The following RAB27B variants were observed in gnomAD, a reference collection of about 807,000 sequenced individuals.
RAB27B encodes ras-related protein Rab-27B.
A neutral mutation model predicts 24.6 loss-of-function variants in RAB27B; 15 were observed. The ratio of observed to expected loss-of-function variants is 0.61; its 90% CI spans 0.41 to 0.94. RAB27B has a LOEUF of 0.94. Among genes scored for constraint, RAB27B ranks in the 40% least tolerant of loss-of-function variants. The pLI is 0.00. For missense variants in RAB27B, 261 were observed against 266.8 expected (o/e 0.98, Z 0.15); for synonymous variants, 105 against 92.5 (o/e 1.14, Z -0.78).
intron 1 of RAB27B, among the ~76,000 whole-genome samples, chr18:54,855,252 G>A (rs538169946): frequency 4.6e-5 from 7 of 152,320 alleles, no homozygotes; most frequent in African/African-American, 1.7e-4. Context: ...GCCATGGGGA[G>A]CAGATGTAAA....
intron 2 of RAB27B, among the ~76,000 whole-genome samples, chr18:54,726,508 C>T (rs1358929665): frequency 6.6e-6 from 1 of 151,364 alleles, no homozygotes; most frequent in East Asian, 1.9e-4. Flanking sequence ...TTCCTGTTCG[C>T]TAACATTCAG....
chr18:54,847,806 C>T (rs1018696435), intron 1 of RAB27B, among the ~76,000 whole-genome samples: 2 of 151,722 alleles, frequency 1.3e-5, no homozygotes, highest in African/African-American at 4.9e-5. Flanking sequence ...CCTGATTTTC[C>T]AAACATGGTT....
intron 1 of RAB27B, among the ~76,000 whole-genome samples, chr18:54,840,894 A>T (rs1911081728): frequency 6.6e-6 from 1 of 152,138 alleles, no homozygotes; most frequent in Non-Finnish European, 1.5e-5. Context: ...CAAGCCTGTA[A>T]TCCCAGCACT....
chr18:54,781,553 T>G (rs1908918890), intron 2 of RAB27B, among the ~76,000 whole-genome samples: 1 of 152,142 alleles, frequency 6.6e-6, no homozygotes, highest in South Asian at 2.1e-4. Context: ...AGACTGGTCT[T>G]GAATTTGCTT....
intron 2 of RAB27B, among the ~76,000 whole-genome samples, chr18:54,798,222 C>T (rs761257748): frequency 2.0e-5 from 3 of 152,186 alleles, no homozygotes; most frequent in Non-Finnish European, 4.4e-5. Context: ...AGCCATCCAC[C>T]GTAGTGGGAC....
rs142993739 is a variant in RAB27B, at chr18:54,858,622, G to A, written c.-19-18945G>A. ...TTAGCCAGGATGGTCTCGATCTCCT[G>A]ACCTCGTGATCCCTCCTAAAGTGGT... On this transcript the variant is annotated intron_variant, in intron 1 of 5. Coordinates refer to ENST00000262094, the MANE Select transcript of RAB27B (RefSeq NM_004163.4). Among the ~76,000 whole-genome samples the A allele has an allele frequency of 2.2e-3, 341 of 152,148 alleles. 2 individuals are homozygous for A. Among genetic ancestry groups the A allele is most frequent in the African/African-American group, 7.5e-3 (311 of 41,516 alleles).
chr18:54,772,039 C>A (rs1908568016), intron 2 of RAB27B, among the ~76,000 whole-genome samples: 4 of 152,174 alleles, frequency 2.6e-5, no homozygotes. Flanking sequence ...TACTGAAAAG[C>A]TCCTCTTTAA....
intron 3 of RAB27B, among the ~76,000 whole-genome samples, chr18:54,883,094 G>T (rs1272487130): frequency 6.6e-6 from 1 of 152,078 alleles, no homozygotes; most frequent in Non-Finnish European, 1.5e-5. Flanking sequence ...CAACCAGAAG[G>T]GTGGTGATGT....
chr18:54,865,587 C>G (rs1414672946), intron 1 of RAB27B, among the ~76,000 whole-genome samples: 1 of 152,094 alleles, frequency 6.6e-6, no homozygotes, highest in African/African-American at 2.4e-5. Flanking sequence ...TCCTTGTCAT[C>G]AATGTGAGCT....
intron 1 of RAB27B, among the ~76,000 whole-genome samples, chr18:54,845,664 A>G (rs1428766159): frequency 6.6e-6 from 1 of 152,046 alleles, no homozygotes. Context: ...AGCCTTTTGC[A>G]TATTGCTACA....
intron 2 of RAB27B, among the ~76,000 whole-genome samples, chr18:54,802,648 G>T (rs1486314658): frequency 6.6e-6 from 1 of 152,048 alleles, no homozygotes; most frequent in Non-Finnish European, 1.5e-5. Context: ...AAATTCCTTA[G>T]TTATTTCAAT....
At chr18:54,838,037 T>C (rs1020971486) in intron 1 of RAB27B, among the ~76,000 whole-genome samples, 4 of 152,176 alleles carry the variant, frequency 2.6e-5, no homozygotes, top group African/African-American at 9.6e-5. Context: ...GGCTCATTAA[T>C]ATCATGCTCT....
chr18:54,765,669 A>G (rs1397788280), intron 2 of RAB27B, among the ~76,000 whole-genome samples: 1 of 152,172 alleles, frequency 6.6e-6, no homozygotes, highest in Non-Finnish European at 1.5e-5. Context: ...TACAATTATA[A>G]ACTCAAGAAA....
intron 2 of RAB27B, among the ~76,000 whole-genome samples, chr18:54,728,358 T>A (rs1009600142): frequency 2.0e-5 from 3 of 152,178 alleles, no homozygotes; most frequent in Non-Finnish European, 4.4e-5. Context: ...GTTTTTGTTA[T>A]CTTTTACTCT....
chr18:54,791,266 CTG>C (rs1909238108), intron 2 of RAB27B, among the ~76,000 whole-genome samples: 1 of 152,086 alleles, frequency 6.6e-6, no homozygotes, highest in South Asian at 2.1e-4. Flanking sequence ...AACCTCAACT[CTG>C]TATGGATCAA....
intron 1 of RAB27B, among the ~76,000 whole-genome samples, chr18:54,847,718 AG>A (rs1267144609): frequency 6.6e-6 from 1 of 152,216 alleles, no homozygotes; most frequent in Non-Finnish European, 1.5e-5. Context: ...ACTGAGTAAA[AG>A]CTTATCAACT....
At chr18:54,791,809 C>T (rs1316035091) in intron 2 of RAB27B, among the ~76,000 whole-genome samples, 2 of 152,184 alleles carry the variant, frequency 1.3e-5, no homozygotes, top group African/African-American at 4.8e-5. Context: ...ACATCTAGAG[C>T]GCACGCTGGC....
intron 2 of RAB27B, among the ~76,000 whole-genome samples, chr18:54,790,324 A>T (rs1293540880): frequency 6.6e-6 from 1 of 152,170 alleles, no homozygotes; most frequent in African/African-American, 2.4e-5. Flanking sequence ...TCCAGGAAAC[A>T]TCAAAACATT....
chr18:54,827,767 A>G (rs370354765), upstream of RAB27B, among the ~76,000 whole-genome samples: 36 of 152,314 alleles, frequency 2.4e-4, no homozygotes, highest in Middle Eastern at 3.4e-3. Flanking sequence ...TCTTACCTTT[A>G]CTACCAGTCT....
Sources: gnomAD v4.1 joint callset for allele counts (sites outside exome capture counted in the v4.1 genomes callset) on GRCh38, gnomAD v4.1.1 for gene constraint, MANE v1.5 for transcripts, NCBI Gene and HGNC (gene_info 2026-07-23, HGNC 2026-07-21) for gene names.